Variants in MAST2 observed in about 807,000 individuals in gnomAD.
The protein encoded by MAST2 is microtubule-associated serine/threonine-protein kinase 2.
In MAST2, 70 loss-of-function variants were observed where a neutral mutation model predicts 147.4. The ratio of observed to expected loss-of-function variants is 0.47; its 90% CI spans 0.39 to 0.58. The LOEUF (loss-of-function observed/expected upper bound fraction) is 0.58. Ranked by LOEUF, MAST2 falls within the 20% of genes least tolerant of loss-of-function variation. The pLI, the probability that MAST2 is intolerant of heterozygous loss-of-function variation, is 0.00. For missense variants in MAST2, 2,080 were observed against 2,302.3 expected, an observed-to-expected ratio of 0.90 and a Z score of 1.98; for synonymous variants, 869 against 896.8, an observed-to-expected ratio of 0.97 and a Z score of 0.55.
intron 3 of MAST2, among the ~76,000 whole-genome samples, chr1:45,830,168 AT>A (rs1644910220): frequency 7.5e-6 from 1 of 133,924 alleles, no homozygotes; most frequent in South Asian, 2.4e-4. Flanking sequence ...TAAGAATGAA[AT>A]TTTAATTGAA....
At chr1:45,903,747 A>G (rs1419249076) in intron 4 of MAST2, among the ~76,000 whole-genome samples, 1 of 152,218 alleles carries the variant, frequency 6.6e-6, no homozygotes, top group East Asian at 1.9e-4. Flanking sequence ...TTCTGTGTGC[A>G]CATGAGAATG....
intron 4 of MAST2, among the ~76,000 whole-genome samples, chr1:45,905,324 A>ATC (rs1650506503): frequency 6.6e-6 from 1 of 151,956 alleles, no homozygotes; most frequent in Non-Finnish European, 1.5e-5. Flanking sequence ...AGCTGGGAGT[A>ATC]CAGGCATGCG....
Position 46,023,607 on chromosome 1 carries a change from G to A in MAST2, c.1572-165G>A, listed in dbSNP as rs1045061416. 2 of 659,656 alleles carry A rather than the reference G, an allele frequency of 3.0e-6. No individual in the cohort carries two copies. Among genetic ancestry groups the A allele is most frequent in the Non-Finnish European group, 5.2e-6 (2 of 383,144 alleles). The allele number at this position is 659,656 out of a possible 1,614,324, so 40.9% of individuals were successfully genotyped here. On this transcript the variant is annotated intron_variant, in intron 14 of 28. Coordinates refer to ENST00000361297, the MANE Select transcript of MAST2 (RefSeq NM_015112.3). This position sits in a 1 kb window ranked among gnomAD's most constrained non-coding sequence, Gnocchi z 4.9. ...GGACATGGTCTATCAAGAAGTTTAA[G>A]AGTTCTATGGACCAGGGGGTCCCAG...
chr1:45,963,308 C>T (rs1386098004), intron 5 of MAST2, among the ~76,000 whole-genome samples: 2 of 152,072 alleles, frequency 1.3e-5, no homozygotes, highest in Non-Finnish European at 2.9e-5. Flanking sequence ...AAGAAAGTCC[C>T]TGGTAGCTTG....
intron 3 of MAST2, among the ~76,000 whole-genome samples, chr1:45,869,589 C>A (rs1003527818): frequency 1.3e-5 from 2 of 152,286 alleles, no homozygotes; most frequent in African/African-American, 4.8e-5. Flanking sequence ...TACTGAATTT[C>A]ATCTATTCTA....
chr1:46,029,474 G>T lies in MAST2; in HGVS notation c.2227G>T (p.Val743Leu), dbSNP rs376806114. 4.0e-5 allele frequency: 65 copies of T among 1,613,582 alleles called. No homozygotes were observed. The highest frequency in any genetic ancestry group is 5.3e-5 in the Non-Finnish European group (62 of 1,179,760). ...LFGQVISDEI[V>L]WPEGDEALPP... ...ACCCCTGATGACTTCAGATGAGATT[G>T]TGTGGCCTGAGGGTGATGAGGCACT... Residue 743 changes from valine to leucine, a missense_variant, in exon 19 of 29, where the codon GTG (valine) becomes TTG (leucine). Physicochemically the swap from Val to Leu is conservative, Grantham distance 32. Coordinates refer to ENST00000361297, the MANE Select transcript of MAST2 (RefSeq NM_015112.3).
chr1:45,845,818 C>T (rs1436858834), intron 3 of MAST2, among the ~76,000 whole-genome samples: 2 of 152,114 alleles, frequency 1.3e-5, no homozygotes, highest in Non-Finnish European at 1.5e-5. Context: ...TGGAGTGCAG[C>T]GGTGCGATCT....
At position 45,995,286 on chromosome 1, in the gene MAST2, A is replaced by G. The variant is rs1645014121; in HGVS notation, c.593-2438A>G. ...GCTCCACCAAGCTCTAGCCACTCTA[A>G]AGATTTTTCTCTGTATCTTGAGTTT... On this transcript the variant is annotated intron_variant, in intron 5 of 28. Transcript: ENST00000361297. 5.3e-5 allele frequency among the ~76,000 whole-genome samples: 8 copies of G among 152,170 alleles called. No homozygotes were observed. In the South Asian group the frequency reaches 1.7e-3, roughly 32 times the overall value.
chr1:45,926,846 A>G (rs1236643921), intron 4 of MAST2, among the ~76,000 whole-genome samples: 11 of 152,144 alleles, frequency 7.2e-5, no homozygotes, highest in Non-Finnish European at 1.6e-4. Context: ...TTTTTCATAG[A>G]CCCTGGCTCC....
Position 46,030,642 on chromosome 1 carries a change from G to T in MAST2, c.2589G>T (p.Glu863Asp). Reference protein sequence around the residue: ...YSSMERLSLLEERRTPPPTKR... With the variant: ...YSSMERLSLLDERRTPPPTKR... ...GCATGGAGCGGCTCTCACTGCTCGA[G>T]GAGCGCCGGACACCACCCCCGACCA... The change falls in exon 22 of 29, where the codon GAG becomes GAT. Residue 863 changes from glutamate to aspartate, a missense_variant. Physicochemically the swap from Glu to Asp is conservative, Grantham distance 45. Transcript: ENST00000361297. 1 of 1,611,588 alleles carries T rather than the reference G, an allele frequency of 6.2e-7. No homozygotes were observed. The highest frequency in any genetic ancestry group is 2.2e-5 in the East Asian group (1 of 44,822).
intron 3 of MAST2, among the ~76,000 whole-genome samples, chr1:45,842,080 C>T (rs1645294419): frequency 6.6e-6 from 1 of 152,038 alleles, no homozygotes; most frequent in African/African-American, 2.4e-5. Flanking sequence ...GCTTGATTGC[C>T]ACTAGGTGAT....
intron 1 of MAST2, among the ~76,000 whole-genome samples, chr1:45,814,712 G>A (rs1231078110): frequency 2.0e-5 from 3 of 152,066 alleles, no homozygotes; most frequent in Non-Finnish European, 4.4e-5. Flanking sequence ...GCTTGAACCC[G>A]GGAGTTGGAG....
At chr1:45,838,069 G>A (rs1645157888) in intron 3 of MAST2, among the ~76,000 whole-genome samples, 1 of 151,904 alleles carries the variant, frequency 6.6e-6, no homozygotes, top group African/African-American at 2.4e-5. Context: ...GTGAGCCACC[G>A]CACCCGGCTA....
At chr1:45,962,729 C>T (rs1045792490) in intron 5 of MAST2, among the ~76,000 whole-genome samples, 2 of 152,168 alleles carry the variant, frequency 1.3e-5, no homozygotes, top group African/African-American at 2.4e-5. Flanking sequence ...GTTGCCTGTT[C>T]ACTCTGATGG....
At position 45,907,721 on chromosome 1, in the gene MAST2, C is replaced by G. The variant is rs74758247; in HGVS notation, c.500+25326C>G. Among the ~76,000 whole-genome samples the G allele has an allele frequency of 6.7e-3, 1,013 of 152,312 alleles. 11 individuals carry two copies. Among genetic ancestry groups the G allele is most frequent in the African/African-American group, 0.024 (977 of 41,564 alleles). ...TCTGTGCCCATTAAGCAGTAACACCCTTCTTCCCTTACCCCAGGCCTTGGC... is the reference window on the plus strand; with the variant it reads ...TCTGTGCCCATTAAGCAGTAACACCGTTCTTCCCTTACCCCAGGCCTTGGC... On this transcript the variant is annotated intron_variant, in intron 4 of 28. Coordinates refer to ENST00000361297, the MANE Select transcript of MAST2 (RefSeq NM_015112.3).
chr1:46,006,033 A>C (rs1645473643), intron 7 of MAST2, among the ~76,000 whole-genome samples: 1 of 152,174 alleles, frequency 6.6e-6, no homozygotes, highest in African/African-American at 2.4e-5. Context: ...GAAGGACTCC[A>C]GTATATTGAA....
intron 10 of MAST2, among the ~76,000 whole-genome samples, chr1:46,014,424 T>A (rs912378218): frequency 3.8e-4 from 56 of 148,148 alleles, no homozygotes; most frequent in African/African-American, 1.4e-3. Context: ...GAATATGCGG[T>A]GTTTGGTTTT....
chr1:45,875,904 A>C (rs916161729), intron 3 of MAST2, among the ~76,000 whole-genome samples: 8 of 152,088 alleles, frequency 5.3e-5, no homozygotes, highest in Non-Finnish European at 1.0e-4. Flanking sequence ...AGATTGTAAA[A>C]TATATAGAGA....
Position 45,920,221 on chromosome 1 carries a change from G to A in MAST2, c.500+37826G>A, listed in dbSNP as rs557546578. 1.8e-4 allele frequency among the ~76,000 whole-genome samples: 28 copies of A among 152,266 alleles called. No individual in the cohort carries two copies. The East Asian group carries it at 5.4e-3, about 29-fold the overall frequency. ...TTGGATAGTTTCCTTATCCACATAT[G>A]CTGATAGATATTCAGCTAAAAACTC... On this transcript the variant is annotated intron_variant, in intron 4 of 28. Coordinates refer to ENST00000361297, the MANE Select transcript of MAST2 (RefSeq NM_015112.3).
Sources: gnomAD v4.1 joint callset for allele counts (sites outside exome capture counted in the v4.1 genomes callset) on GRCh38, gnomAD v4.1.1 for gene constraint, Gnocchi (gnomAD v3.1) non-coding constraint, MANE v1.5 for transcripts, NCBI Gene and HGNC (gene_info 2026-07-23, HGNC 2026-07-21) for gene names.